The following KIF13B variants were observed in gnomAD, a reference collection of about 807,000 sequenced individuals.
KIF13B encodes kinesin family member 13B, also known as kinesin-like protein KIF13B.
In KIF13B, 127 loss-of-function variants were observed where a neutral mutation model predicts 222.0. The ratio of observed to expected loss-of-function variants is 0.57; its 90% CI spans 0.50 to 0.66. The LOEUF (loss-of-function observed/expected upper bound fraction) is 0.66. KIF13B is among the 30% of genes least tolerant of loss of function. The pLI is 0.00. For missense variants in KIF13B, 2,173 were observed against 2,379.0 expected, an observed-to-expected ratio of 0.91 and a Z score of 1.80; for synonymous variants, 976 against 919.0, an observed-to-expected ratio of 1.06 and a Z score of -1.12.
chr8:29,211,246 G>C (rs4732918), intron 2 of KIF13B, among the ~76,000 whole-genome samples: 94,112 of 152,138 alleles, frequency 0.62, 30,629 homozygotes, highest in Non-Finnish European at 0.74. Flanking sequence ...ATTTACCATA[G>C]ATGTGAAGCC....
At position 29,147,564 on chromosome 8, in the gene KIF13B, G is replaced by A; in HGVS notation, c.1852C>T (p.His618Tyr). The A allele has an allele frequency of 6.2e-7, 1 of 1,613,376 alleles. No homozygotes were observed. Among genetic ancestry groups the A allele is most frequent in the Non-Finnish European group, 8.5e-7 (1 of 1,179,802 alleles). The change falls in exon 17 of 40, where the codon CAT becomes TAT. Residue 618 changes from histidine to tyrosine, a missense_variant. Coordinates refer to ENST00000524189, the MANE Select transcript of KIF13B (RefSeq NM_015254.4). ...AGTGCAGATCGTTTTTCTTCTTCAT[G>A]CTGTTGTTCTAAGCTGTTTAATATG... is the stretch of plus-strand genomic sequence containing the variant. The part of the protein sequence containing the change: ...QSILNSLEQQ[H>Y]EEEKRSALER...
At chr8:29,167,806 C>A (rs1038058804) in intron 10 of KIF13B, among the ~76,000 whole-genome samples, 1 of 152,076 alleles carries the variant, frequency 6.6e-6, no homozygotes, top group Non-Finnish European at 1.5e-5. Flanking sequence ...TGATAAAGGA[C>A]GGGGAAATGT....
chr8:29,188,719 A>G (rs562149517), intron 4 of KIF13B, 112 bp from the exon 5 acceptor site: 456 of 673,018 alleles, frequency 6.8e-4, no homozygotes, highest in South Asian at 1.0e-3. Flanking sequence ...TTTATCTCCA[A>G]ACAAGATTTT....
intron 2 of KIF13B, among the ~76,000 whole-genome samples, chr8:29,238,320 T>C (rs978090083): frequency 6.6e-6 from 1 of 152,196 alleles, no homozygotes; most frequent in African/African-American, 2.4e-5. Flanking sequence ...GAGAAGTGTA[T>C]GGACATGGGT....
At chr8:29,179,574 C>T (rs971141274) in intron 8 of KIF13B, among the ~76,000 whole-genome samples, 1 of 152,186 alleles carries the variant, frequency 6.6e-6, no homozygotes, top group Non-Finnish European at 1.5e-5. Context: ...TCTCAGACTC[C>T]CTGGCCACCC....
Position 29,142,148 on chromosome 8 carries a change from A to G in KIF13B, c.2334+9T>C. The G allele has an allele frequency of 3.1e-6, 5 of 1,609,906 alleles. No homozygotes were observed. The highest frequency in any genetic ancestry group is 4.2e-6 in the Non-Finnish European group (5 of 1,176,896). ...TACCAATTAAGTGATTTTCTCTTAA[A>G]TAACTTACTGGGTTATCTTCTTCAC... On this transcript the variant is annotated intron_variant, in intron 19 of 39. Coordinates refer to ENST00000524189, the MANE Select transcript of KIF13B (RefSeq NM_015254.4).
chr8:29,156,926 C>A (rs1474967010), intron 13 of KIF13B, among the ~76,000 whole-genome samples: 2 of 152,130 alleles, frequency 1.3e-5, no homozygotes, highest in Non-Finnish European at 2.9e-5. Flanking sequence ...GTTCCCATCT[C>A]CCCTAACCCA....
intron 2 of KIF13B, among the ~76,000 whole-genome samples, chr8:29,209,426 C>T (rs757159157): frequency 6.6e-6 from 1 of 152,208 alleles, no homozygotes; most frequent in Non-Finnish European, 1.5e-5. Context: ...CTCCCACCAT[C>T]CTACAGTGGC....
In KIF13B at chr8:29,071,791, C is replaced by T; in HGVS notation, c.5047G>A (p.Gly1683Arg). The change falls in exon 39 of 40, where the codon GGG (glycine) becomes AGG (arginine). Residue 1683 changes from glycine to arginine, a missense_variant. Gly to Arg is a moderately radical substitution (Grantham distance 125). Transcript: ENST00000524189. This position sits in a 1 kb window ranked among gnomAD's most constrained non-coding sequence, Gnocchi z 4.9. ...GAATCAGAGGCCAGGGCCTGTCCCC[C>T]GGCGCCCGGGGCCGGCGCATTCCCC... Reference protein sequence around the residue: ...AEGNAPAPGAGGQALASDSEE... With the variant: ...AEGNAPAPGARGQALASDSEE... 3.2e-6 allele frequency: 5 copies of T among 1,547,356 alleles called. No homozygotes were observed. Among genetic ancestry groups the T allele is most frequent in the East Asian group, 2.4e-5 (1 of 40,884 alleles).
chr8:29,216,526 G>A (rs901413162), intron 2 of KIF13B, among the ~76,000 whole-genome samples: 1 of 151,954 alleles, frequency 6.6e-6, no homozygotes, highest in African/African-American at 2.4e-5. Context: ...TTGAACCTGG[G>A]AGTAAAAGGT....
Position 29,142,856 on chromosome 8 carries a change from T to A in KIF13B, c.2188-553A>T, listed in dbSNP as rs183835178. ...TCTCAAAAATAAATAAATATATACA[T>A]GTGTGTGTGTGTAAAGAGACAGCAT... On this transcript the variant is annotated intron_variant, in intron 18 of 39. Coordinates refer to ENST00000524189, the MANE Select transcript of KIF13B (RefSeq NM_015254.4). 2.7e-3 allele frequency among the ~76,000 whole-genome samples: 406 copies of A among 147,930 alleles called. 3 individuals carry two copies. The highest frequency in any genetic ancestry group is 0.01 in the African/African-American group (397 of 39,630).
At chr8:29,197,121 A>T (rs907699186) in intron 2 of KIF13B, among the ~76,000 whole-genome samples, 2 of 151,724 alleles carry the variant, frequency 1.3e-5, no homozygotes, top group Non-Finnish European at 2.9e-5. Flanking sequence ...GCGGATCACG[A>T]GGTCAGGAAA....
At chr8:29,079,386 CT>C (rs1807705718) in intron 37 of KIF13B, among the ~76,000 whole-genome samples, 1 of 152,244 alleles carries the variant, frequency 6.6e-6, no homozygotes, top group Non-Finnish European at 1.5e-5. Context: ...CCTGCACTGT[CT>C]CTTCATCTGC....
chr8:29,228,472 A>AAAAAAATATAT lies in KIF13B; in HGVS notation c.149+16873_149+16874insATATATTTTTT. On this transcript the variant is annotated intron_variant, in intron 2 of 39. Transcript: ENST00000524189. The stretch of plus-strand genomic sequence containing the variant: ...ACAGAGCCAGACTCCATCTTAAAAA[A>AAAAAAATATAT]ATATATATATATATATATGAGATAC... 1.2e-3 allele frequency among the ~76,000 whole-genome samples: 144 copies of AAAAAAATATAT among 117,082 alleles called. 6 individuals carry two copies. The highest frequency in any genetic ancestry group is 3.8e-3 in the African/African-American group (116 of 30,726). The allele number at this position is 117,082 out of a possible 152,430, so 76.8% of individuals were successfully genotyped here.
chr8:29,113,857 T>C (rs2133624228), intron 31 of KIF13B, among the ~76,000 whole-genome samples: 1 of 152,298 alleles, frequency 6.6e-6, no homozygotes, highest in East Asian at 1.9e-4. Context: ...GCTACAGAAA[T>C]ATAAGCTTGT....
chr8:29,200,349 G>A (rs1243253254), intron 2 of KIF13B, among the ~76,000 whole-genome samples: 1 of 152,194 alleles, frequency 6.6e-6, no homozygotes, highest in Non-Finnish European at 1.5e-5. Flanking sequence ...CCAGATCACT[G>A]TGGAGATTCA....
At chr8:29,257,204 A>G (rs1198352343) in intron 1 of KIF13B, among the ~76,000 whole-genome samples, 1 of 152,148 alleles carries the variant, frequency 6.6e-6, no homozygotes, top group Non-Finnish European at 1.5e-5. Context: ...AATGGATACC[A>G]TTTTCTAAAG....
At chr8:29,160,911 G>A in intron 12 of KIF13B, 44 bp from the exon 13 acceptor site, 1 of 1,562,050 alleles carries the variant, frequency 6.4e-7, no homozygotes, top group Non-Finnish European at 8.8e-7. Context: ...AGCTATTGAG[G>A]CAGTGAGATA....
At chr8:29,233,558 T>C (rs1563812383) in intron 2 of KIF13B, among the ~76,000 whole-genome samples, 1 of 152,274 alleles carries the variant, frequency 6.6e-6, no homozygotes, top group South Asian at 2.1e-4. Context: ...TAGCACATTA[T>C]CTAGATCAGA....
Sources: gnomAD v4.1 joint callset for allele counts (sites outside exome capture counted in the v4.1 genomes callset) on GRCh38, gnomAD v4.1.1 for gene constraint, Gnocchi (gnomAD v3.1) non-coding constraint, MANE v1.5 for transcripts, NCBI Gene and HGNC (gene_info 2026-07-23, HGNC 2026-07-21) for gene names.